The following GRIN2B variants were observed in gnomAD, a reference collection of about 807,000 sequenced individuals.
GRIN2B encodes the protein glutamate ionotropic receptor NMDA type subunit 2B, also known as glutamate receptor ionotropic, NMDA 2B.
GRIN2B carries 5 observed loss-of-function variants against 114.5 expected under a neutral mutation model. That is an observed-to-expected ratio of 0.04 (90% CI 0.02 to 0.09). The LOEUF is 0.09. GRIN2B is among the 10% of genes least tolerant of loss of function. The pLI is 1.00. For missense variants in GRIN2B, 1,108 were observed against 1,943.5 expected, an observed-to-expected ratio of 0.57 and a Z score of 8.08; for synonymous variants, 787 against 745.1, an observed-to-expected ratio of 1.06 and a Z score of -0.92.
At chr12:13,692,005 G>A (rs535782160) in intron 4 of GRIN2B, among the ~76,000 whole-genome samples, 3 of 152,136 alleles carry the variant, frequency 2.0e-5, no homozygotes, top group Non-Finnish European at 4.4e-5. Flanking sequence ...TGTCGAGGCT[G>A]CCAAATCCAG....
intron 2 of GRIN2B, among the ~76,000 whole-genome samples, chr12:13,939,886 T>C (rs896614891): frequency 6.6e-6 from 1 of 152,050 alleles, no homozygotes; most frequent in African/African-American, 2.4e-5. Context: ...CCAAGAAACA[T>C]ATCCAGCCCA....
intron 9 of GRIN2B, 92 bp from the exon 10 acceptor site, chr12:13,608,924 G>T: frequency 1.1e-6 from 1 of 903,882 alleles, no homozygotes; most frequent in Non-Finnish European, 1.8e-6. Flanking sequence ...CCTGCTCAGA[G>T]CAGGAAACCC....
At chr12:13,798,703 G>A (rs1034269587) in intron 3 of GRIN2B, among the ~76,000 whole-genome samples, 2 of 152,040 alleles carry the variant, frequency 1.3e-5, no homozygotes, top group African/African-American at 4.8e-5. Context: ...ACACTCCACA[G>A]AATTTAAATT....
At chr12:13,896,793 C>T (rs1460107323) in intron 2 of GRIN2B, among the ~76,000 whole-genome samples, 1 of 152,178 alleles carries the variant, frequency 6.6e-6, no homozygotes, top group Non-Finnish European at 1.5e-5. Context: ...CACTATGTAG[C>T]AAGCACTACC....
chr12:13,669,843 T>G (rs546677317), intron 5 of GRIN2B, among the ~76,000 whole-genome samples: 1 of 152,238 alleles, frequency 6.6e-6, no homozygotes, highest in Admixed American at 6.5e-5. Context: ...AAACACTGAT[T>G]TGATCATTGT....
At chr12:13,795,841 C>G (rs1340592176) in intron 3 of GRIN2B, among the ~76,000 whole-genome samples, 2 of 151,976 alleles carry the variant, frequency 1.3e-5, no homozygotes, top group Non-Finnish European at 2.9e-5. Flanking sequence ...GACAGAAAAC[C>G]AAACATCACG....
intron 4 of GRIN2B, among the ~76,000 whole-genome samples, chr12:13,735,885 A>T (rs1406034987): frequency 7.4e-6 from 1 of 134,728 alleles, no homozygotes; most frequent in East Asian, 2.2e-4. Flanking sequence ...TTCGGAAGGA[A>T]TGGAAGACAG....
chr12:13,679,444 T>C (rs140692171), intron 4 of GRIN2B, among the ~76,000 whole-genome samples: 1 of 152,294 alleles, frequency 6.6e-6, no homozygotes, highest in Non-Finnish European at 1.5e-5. Context: ...CGCCTTCTGA[T>C]TTTCCTTAGA....
chr12:13,947,023 G>C (rs913399991), intron 2 of GRIN2B, among the ~76,000 whole-genome samples: 4 of 152,200 alleles, frequency 2.6e-5, no homozygotes, highest in African/African-American at 9.6e-5. Flanking sequence ...ACCATGAAAG[G>C]AGAGGTGACA....
intron 3 of GRIN2B, among the ~76,000 whole-genome samples, chr12:13,754,216 A>G (rs1374458941): frequency 1.3e-5 from 2 of 152,216 alleles, no homozygotes; most frequent in Non-Finnish European, 2.9e-5. Flanking sequence ...AAAATCAAAT[A>G]TGTTAATATT....
intron 4 of GRIN2B, among the ~76,000 whole-genome samples, chr12:13,689,134 C>A (rs1293019622): frequency 1.3e-5 from 2 of 152,144 alleles, no homozygotes; most frequent in African/African-American, 4.8e-5. Context: ...ACAAACTCTT[C>A]TTCTAAGTGG....
chr12:13,810,087 T>C (rs1292506255), intron 3 of GRIN2B, among the ~76,000 whole-genome samples: 1 of 152,074 alleles, frequency 6.6e-6, no homozygotes, highest in Non-Finnish European at 1.5e-5. Context: ...TCAGACACCA[T>C]CGCTTCCAAG....
At chr12:13,722,278 G>A (rs1372505549) in intron 4 of GRIN2B, among the ~76,000 whole-genome samples, 2 of 152,036 alleles carry the variant, frequency 1.3e-5, no homozygotes, top group African/African-American at 2.4e-5. Flanking sequence ...TTAATATATA[G>A]AATGTACTAG....
intron 4 of GRIN2B, among the ~76,000 whole-genome samples, chr12:13,677,202 G>T (rs1950083020): frequency 6.6e-6 from 1 of 152,170 alleles, no homozygotes; most frequent in African/African-American, 2.4e-5. Flanking sequence ...TTTCTTGTGA[G>T]ACCATGTCCC....
intron 10 of GRIN2B, among the ~76,000 whole-genome samples, chr12:13,606,388 G>T (rs1488623958): frequency 6.6e-6 from 1 of 152,112 alleles, no homozygotes. Flanking sequence ...GGAGGTGCCA[G>T]ACTCTTTTTA....
At chr12:13,860,302 TC>T (rs1235386825) in intron 3 of GRIN2B, among the ~76,000 whole-genome samples, 1 of 152,174 alleles carries the variant, frequency 6.6e-6, no homozygotes, top group Non-Finnish European at 1.5e-5. Context: ...ATTGAAAGCA[TC>T]CATTCCCAAA....
intron 3 of GRIN2B, among the ~76,000 whole-genome samples, chr12:13,760,269 C>A (rs193146666): frequency 2.0e-5 from 3 of 152,288 alleles, no homozygotes; most frequent in Admixed American, 2.0e-4. Context: ...TTGTTCATTG[C>A]TATAACCCAC....
intron 10 of GRIN2B, among the ~76,000 whole-genome samples, chr12:13,600,942 T>C (rs1805520): frequency 6.6e-6 from 1 of 152,188 alleles, no homozygotes; most frequent in Non-Finnish European, 1.5e-5. Context: ...CTATAAAGCA[T>C]GTCTCTGCAA....
At chr12:13,808,143 G>T (rs1320572455) in intron 3 of GRIN2B, among the ~76,000 whole-genome samples, 1 of 152,032 alleles carries the variant, frequency 6.6e-6, no homozygotes, top group East Asian at 1.9e-4. Flanking sequence ...TTGGGGGTGG[G>T]GGACAATAGC....
Sources: allele counts gnomAD v4.1 joint callset (sites outside exome capture counted in the v4.1 genomes callset), GRCh38; gene constraint gnomAD v4.1.1; transcripts MANE v1.5; gene names NCBI Gene and HGNC (gene_info 2026-07-23, HGNC 2026-07-21).